The following RBFOX1 variants were observed in gnomAD, a reference collection of about 807,000 sequenced individuals.
RBFOX1 encodes RNA binding protein fox-1 homolog 1.
Under a neutral mutation model 57.7 loss-of-function variants are expected in RBFOX1, and 8 were observed. That is an observed-to-expected ratio of 0.14 (90% CI 0.08 to 0.25). The LOEUF is 0.25. RBFOX1 is among the 10% of genes least tolerant of loss of function. The probability of loss-of-function intolerance (pLI) is 1.00; values close to 1 mark genes in which losing one functional copy is unlikely to be tolerated. For synonymous variants in RBFOX1, 326 were observed against 222.4 expected (o/e 1.47, Z -4.15); for missense variants, 611 against 548.5 (o/e 1.11, Z -1.14).
At chr16:5,694,026 A>C (rs1273198165) in intron 3 of RBFOX1, among the ~76,000 whole-genome samples, 1 of 152,188 alleles carries the variant, frequency 6.6e-6, no homozygotes, top group Non-Finnish European at 1.5e-5. Flanking sequence ...CATCAGAGTA[A>C]AGTACAGAGT....
intron 9 of RBFOX1, 133 bp from the exon 10 acceptor site, chr16:7,607,152 C>A: frequency 1.4e-6 from 1 of 712,740 alleles, no homozygotes; most frequent in South Asian, 2.5e-5. Context: ...TTTATGCATG[C>A]CCAAACGACA....
At chr16:7,030,481 T>A (rs1201823836) in intron 3 of RBFOX1, among the ~76,000 whole-genome samples, 5 of 152,194 alleles carry the variant, frequency 3.3e-5, no homozygotes, top group African/African-American at 9.6e-5. Context: ...AATCCTTCCT[T>A]CCTTCTCCCA....
intron 4 of RBFOX1, among the ~76,000 whole-genome samples, chr16:5,893,908 TA>T (rs1021132462): frequency 1.3e-5 from 2 of 151,796 alleles, no homozygotes; most frequent in African/African-American, 4.8e-5. Context: ...TTAGAACAAT[TA>T]AAAAAAAGAT....
At chr16:7,139,176 C>CTCTCTCTCTCTG (rs372381673) in intron 4 of RBFOX1, among the ~76,000 whole-genome samples, 5 of 145,792 alleles carry the variant, frequency 3.4e-5, no homozygotes, top group African/African-American at 5.2e-5. Flanking sequence ...CAATCTCTCT[C>CTCTCTCTCTCTG]TGTGTGTGTG....
intron 4 of RBFOX1, among the ~76,000 whole-genome samples, chr16:7,352,533 C>G (rs2097146904): frequency 1.3e-5 from 2 of 152,064 alleles, no homozygotes; most frequent in African/African-American, 4.8e-5. Context: ...GCTGTTTGGT[C>G]AGTCCTTTTG....
At chr16:5,987,272 G>C (rs2060302537) in intron 4 of RBFOX1, among the ~76,000 whole-genome samples, 1 of 151,884 alleles carries the variant, frequency 6.6e-6, no homozygotes, top group Non-Finnish European at 1.5e-5. Context: ...TTATATTCTG[G>C]ATATTATTCA....
chr16:6,962,281 T>C (rs2083188864), intron 3 of RBFOX1, among the ~76,000 whole-genome samples: 1 of 152,108 alleles, frequency 6.6e-6, no homozygotes, highest in Admixed American at 6.5e-5. Context: ...AGACTAGTCA[T>C]TGGCCCACCC....
At chr16:7,517,963 G>A (rs2076733837) in intron 4 of RBFOX1, among the ~76,000 whole-genome samples, 184 bp from the exon 5 acceptor site, 1 of 152,036 alleles carries the variant, frequency 6.6e-6, no homozygotes, top group African/African-American at 2.4e-5. Context: ...GAGAAGTGAT[G>A]GTTACTGTTT....
At chr16:6,127,939 T>A (rs181257684) in intron 1 of RBFOX1, among the ~76,000 whole-genome samples, 7 of 152,284 alleles carry the variant, frequency 4.6e-5, no homozygotes, top group African/African-American at 1.7e-4. Context: ...TGATTAATAT[T>A]CTTGGGGGTG....
intron 4 of RBFOX1, among the ~76,000 whole-genome samples, chr16:7,330,408 T>TC (rs71147686): frequency 6.8e-5 from 10 of 146,480 alleles, no homozygotes; most frequent in African/African-American, 2.3e-4. Flanking sequence ...TTTTTTTTTT[T>TC]CTGTTTTAGA....
intron 4 of RBFOX1, among the ~76,000 whole-genome samples, chr16:7,393,819 A>T (rs772418244): frequency 6.6e-6 from 1 of 152,150 alleles, no homozygotes; most frequent in African/African-American, 2.4e-5. Flanking sequence ...AAGGTGAATC[A>T]TGCCAGCCAA....
intron 5 of RBFOX1, among the ~76,000 whole-genome samples, chr16:7,521,543 G>A (rs2077513203): frequency 6.6e-6 from 1 of 152,156 alleles, no homozygotes. Flanking sequence ...AATTTAAATA[G>A]CGTGTTGGGT....
chr16:6,529,297 T>TG (rs1263237695), intron 2 of RBFOX1, among the ~76,000 whole-genome samples: 3 of 152,166 alleles, frequency 2.0e-5, no homozygotes, highest in African/African-American at 7.2e-5. Flanking sequence ...GCACGGTGGC[T>TG]CATGCCTGTA....
intron 3 of RBFOX1, among the ~76,000 whole-genome samples, chr16:6,730,292 A>G (rs1317003741): frequency 1.3e-5 from 2 of 152,122 alleles, no homozygotes; most frequent in East Asian, 1.9e-4. Flanking sequence ...GGGGGTAGCA[A>G]TGGTGAGAAT....
At chr16:6,253,697 GTGTA>G (rs1483606662) in intron 1 of RBFOX1, among the ~76,000 whole-genome samples, 4 of 88,522 alleles carry the variant, frequency 4.5e-5, no homozygotes, top group African/African-American at 1.2e-4. Context: ...GTGTGTGTGT[GTGTA>G]TATATATATA....
At chr16:5,583,365 G>C (rs1468927575) in intron 2 of RBFOX1, among the ~76,000 whole-genome samples, 1 of 152,212 alleles carries the variant, frequency 6.6e-6, no homozygotes. Context: ...TAATAGCTGA[G>C]TGTTGGCCAA....
At chr16:7,512,681 T>C (rs1392002790) in intron 4 of RBFOX1, among the ~76,000 whole-genome samples, 1 of 152,190 alleles carries the variant, frequency 6.6e-6, no homozygotes, top group Non-Finnish European at 1.5e-5. Flanking sequence ...CAACTCATGG[T>C]AGAGGTGGGT....
chr16:7,070,263 C>G (rs913358841), intron 4 of RBFOX1, among the ~76,000 whole-genome samples: 3 of 152,188 alleles, frequency 2.0e-5, no homozygotes, highest in African/African-American at 7.2e-5. Flanking sequence ...CCACATTCCA[C>G]TCATTTATAC....
At chr16:5,366,518 C>G (rs575072195) in intron 1 of RBFOX1, 3 of 424,236 alleles carry the variant, frequency 7.1e-6, no homozygotes, top group East Asian at 1.2e-4. Context: ...GCTAAAACAC[C>G]GAAAGGACCT....
Sources: gnomAD v4.1 joint callset for allele counts (sites outside exome capture counted in the v4.1 genomes callset) on GRCh38, gnomAD v4.1.1 for gene constraint, MANE v1.5 for transcripts, NCBI Gene and HGNC (gene_info 2026-07-23, HGNC 2026-07-21) for gene names.